Variants in ERBB4 observed in about 807,000 individuals in gnomAD.
ERBB4 encodes erb-b2 receptor tyrosine kinase 4, also known as receptor tyrosine-protein kinase erbB-4.
ERBB4 carries 42 observed loss-of-function variants against 158.0 expected under a neutral mutation model. The observed-to-expected ratio is 0.27, with a 90% confidence interval of 0.21 to 0.34. The LOEUF is 0.34. Ranked by LOEUF, ERBB4 falls within the 10% of genes least tolerant of loss-of-function variation. The pLI, the probability that ERBB4 is intolerant of heterozygous loss-of-function variation, is 1.00. For missense variants in ERBB4, 1,333 were observed against 1,624.1 expected (o/e 0.82, Z 3.08); for synonymous variants, 583 against 558.7 (o/e 1.04, Z -0.61).
At chr2:212,399,536 T>TTATACATA (rs1560213898) in intron 1 of ERBB4, among the ~76,000 whole-genome samples, 21 of 20,750 alleles carry the variant, frequency 1.0e-3, no homozygotes, top group African/African-American at 4.1e-3. Flanking sequence ...GATATATATT[T>TTATACATA]TATATATACA....
intron 1 of ERBB4, among the ~76,000 whole-genome samples, chr2:212,131,221 T>G (rs1318500462): frequency 6.6e-6 from 1 of 152,164 alleles, no homozygotes; most frequent in African/African-American, 2.4e-5. Context: ...ATCCCTTCCC[T>G]GGACTTACAC....
intron 1 of ERBB4, among the ~76,000 whole-genome samples, chr2:212,257,626 A>C (rs1379569408): frequency 6.6e-6 from 1 of 152,052 alleles, no homozygotes; most frequent in African/African-American, 2.4e-5. Context: ...AACTTTAACC[A>C]CCCTGCTCAA....
intron 1 of ERBB4, among the ~76,000 whole-genome samples, chr2:212,197,359 A>G (rs946161289): frequency 6.6e-6 from 1 of 152,206 alleles, no homozygotes; most frequent in Non-Finnish European, 1.5e-5. Flanking sequence ...GCCAATTTAG[A>G]AGAAAACTGT....
At chr2:211,449,799 A>G (rs1488217159) in intron 20 of ERBB4, among the ~76,000 whole-genome samples, 2 of 152,212 alleles carry the variant, frequency 1.3e-5, no homozygotes, top group African/African-American at 4.8e-5. Context: ...TGTAAGTTAC[A>G]GGCCTGGATA....
Position 211,378,501 on chromosome 2 carries a change from A to G in ERBB4, c.*5114T>C, listed in dbSNP as rs1485677899. 1 of 232,842 alleles carries G rather than the reference A, an allele frequency of 4.3e-6. No homozygotes were observed. The highest frequency in any genetic ancestry group is 8.5e-6 in the Non-Finnish European group (1 of 117,452). 14.4% of individuals were successfully genotyped at this position (232,842 alleles called of 1,614,324 possible). A position where few individuals can be genotyped will look rare whatever the true frequency, so the allele number is the denominator to read the frequency against. ...AAAAAGCAGCTCACACTGCTAAAAG[A>G]TATTTGCCCACACAAACACAAGGGC... On this transcript the variant is annotated 3_prime_UTR_variant, in exon 28 of 28. Transcript: ENST00000342788.
At chr2:211,713,438 A>T (rs1053547574) in intron 8 of ERBB4, 97 bp downstream of exon 8, 28 of 750,692 alleles carry the variant, frequency 3.7e-5, no homozygotes, top group Non-Finnish European at 5.6e-5. Context: ...TGGTTGTGAG[A>T]GTGGGTTTAT....
Position 211,947,500 on chromosome 2 carries a change from C to G in ERBB4, c.351G>C (p.Leu117Phe), listed in dbSNP as rs763687948. The change falls in exon 3 of 28, where the codon TTG becomes TTC. Residue 117 changes from leucine to phenylalanine, a missense_variant. Around this residue, in one of 5 missense-constraint regions of ERBB4, gnomAD observed 438 missense variants for 586.9 expected, o/e 0.75. Coordinates refer to ENST00000342788, the MANE Select transcript of ERBB4 (RefSeq NM_005235.3). ...CTTTTCTGTAGTTTAAAAATATTGC[C>G]AAGGCATATCGATCCTCATAAAGTT... Reference protein sequence around the residue: ...GTKLYEDRYALAIFLNYRKDG... With the variant: ...GTKLYEDRYAFAIFLNYRKDG... The G allele has an allele frequency of 1.4e-5, 23 of 1,613,688 alleles. No homozygotes were observed. Among genetic ancestry groups the G allele is most frequent in the Non-Finnish European group, 1.9e-5 (23 of 1,179,858 alleles).
At chr2:211,999,365 T>A (rs1190785581) in intron 2 of ERBB4, among the ~76,000 whole-genome samples, 2 of 151,848 alleles carry the variant, frequency 1.3e-5, no homozygotes, top group South Asian at 4.1e-4. Context: ...TCTTGGGGCA[T>A]GATATAAAAC....
chr2:211,458,347 A>T (rs1276921107), intron 20 of ERBB4, among the ~76,000 whole-genome samples: 1 of 151,564 alleles, frequency 6.6e-6, no homozygotes, highest in African/African-American at 2.4e-5. Context: ...GCTCACTGCA[A>T]CCTCCGCCTC....
At chr2:212,418,050 A>G (rs576959359) in intron 1 of ERBB4, among the ~76,000 whole-genome samples, 7 of 152,076 alleles carry the variant, frequency 4.6e-5, no homozygotes, top group Admixed American at 3.3e-4. Context: ...CAAGTCAGGA[A>G]GAAGGCCCTT....
chr2:212,444,553 G>C (rs1407845752), intron 1 of ERBB4, among the ~76,000 whole-genome samples: 2 of 152,192 alleles, frequency 1.3e-5, no homozygotes, highest in Non-Finnish European at 2.9e-5. Context: ...ACCAATGGGT[G>C]ACCTCAGCAG....
intron 1 of ERBB4, among the ~76,000 whole-genome samples, chr2:212,132,450 G>T (rs957698087): frequency 6.6e-6 from 1 of 152,134 alleles, no homozygotes; most frequent in Admixed American, 6.5e-5. Flanking sequence ...ACTGAGTAGA[G>T]CACATGGCTC....
At chr2:211,572,198 A>G (rs2067748426) in intron 19 of ERBB4, among the ~76,000 whole-genome samples, 1 of 152,214 alleles carries the variant, frequency 6.6e-6, no homozygotes, top group Non-Finnish European at 1.5e-5. Context: ...TGCTACAAAC[A>G]TACAAAATAT....
intron 2 of ERBB4, among the ~76,000 whole-genome samples, chr2:212,098,967 C>A (rs2079005594): frequency 6.6e-6 from 1 of 151,830 alleles, no homozygotes; most frequent in South Asian, 2.1e-4. Context: ...AACTTGAAAG[C>A]ACTGGGCTAT....
chr2:211,456,052 G>A (rs543561998), intron 20 of ERBB4, among the ~76,000 whole-genome samples: 16 of 152,206 alleles, frequency 1.1e-4, no homozygotes, highest in African/African-American at 3.4e-4. Context: ...ATGTGCACCC[G>A]AACATACAAA....
chr2:212,040,015 TG>T (rs1443816628), intron 2 of ERBB4, among the ~76,000 whole-genome samples: 1 of 152,058 alleles, frequency 6.6e-6, no homozygotes, highest in Admixed American at 6.6e-5. Context: ...AAGTGAACTA[TG>T]TTTTTTTTTT....
chr2:211,929,327 TTTACTC>T (rs1355234464), intron 3 of ERBB4, among the ~76,000 whole-genome samples: 9 of 152,022 alleles, frequency 5.9e-5, no homozygotes, highest in Admixed American at 1.3e-4. Context: ...TAATTACTCT[TTTACTC>T]TTTCTCTTGG....
At chr2:211,720,531 G>A (rs2074059667) in intron 7 of ERBB4, among the ~76,000 whole-genome samples, 1 of 152,144 alleles carries the variant, frequency 6.6e-6, no homozygotes, top group African/African-American at 2.4e-5. Flanking sequence ...TTTGTGTCCA[G>A]CCTGTTGAAT....
chr2:211,843,231 TCTC>T (rs1163424364), intron 3 of ERBB4, among the ~76,000 whole-genome samples: 1 of 152,172 alleles, frequency 6.6e-6, no homozygotes, highest in Non-Finnish European at 1.5e-5. Context: ...CTATTTATCT[TCTC>T]CTAGAAATTG....
Sources: gnomAD v4.1 joint callset for allele counts (sites outside exome capture counted in the v4.1 genomes callset) on GRCh38, gnomAD v4.1.1 for gene constraint, gnomAD v4.1.1 regional missense constraint, MANE v1.5 for transcripts, NCBI Gene and HGNC (gene_info 2026-07-23, HGNC 2026-07-21) for gene names.